PEAK1: variants seen among roughly 807,000 people sequenced by gnomAD.
PEAK1 encodes pseudopodium enriched atypical kinase 1, also known as inactive tyrosine-protein kinase PEAK1.
Under a neutral mutation model 124.7 loss-of-function variants are expected in PEAK1, and 54 were observed. That is an observed-to-expected ratio of 0.43 (90% CI 0.35 to 0.54). The LOEUF is 0.54. Among genes scored for constraint, PEAK1 ranks in the 20% least tolerant of loss-of-function variants. The pLI, the probability that PEAK1 is intolerant of heterozygous loss-of-function variation, is 0.01. For synonymous variants in PEAK1, 719 were observed against 760.0 expected, an observed-to-expected ratio of 0.95 and a Z score of 0.89; for missense variants, 2,046 against 2,134.5, an observed-to-expected ratio of 0.96 and a Z score of 0.82.
intron 1 of PEAK1, among the ~76,000 whole-genome samples, chr15:77,372,570 C>T (rs929175721): frequency 1.6e-4 from 25 of 152,078 alleles, no homozygotes; most frequent in African/African-American, 5.6e-4. Flanking sequence ...TTAGTATAGC[C>T]CTGAACTATA....
intron 1 of PEAK1, chr15:77,371,095 C>A (rs1025461261): frequency 3.2e-6 from 3 of 938,834 alleles, no homozygotes; most frequent in South Asian, 4.9e-5. Flanking sequence ...AATATAAATT[C>A]TGTGACTTTA....
At chr15:77,260,080 T>G (rs2061360965) in intron 5 of PEAK1, among the ~76,000 whole-genome samples, 1 of 152,142 alleles carries the variant, frequency 6.6e-6, no homozygotes, top group Non-Finnish European at 1.5e-5. Context: ...TTCTCAGAGC[T>G]GACATAGGAC....
chr15:77,102,592 A>G (rs1453770266), exon 7 of PEAK1: 2 of 152,202 alleles, frequency 1.3e-5, no homozygotes, highest in East Asian at 1.9e-4. Context: ...ATGAAGATTA[A>G]TATTTTCCAA....
At chr15:77,347,519 T>TA in intron 2 of PEAK1, 1 of 985,360 alleles carries the variant, frequency 1.0e-6, no homozygotes, top group Non-Finnish European at 1.2e-6. Flanking sequence ...TAGGAACCGT[T>TA]AAAGCACAGC....
intron 5 of PEAK1, among the ~76,000 whole-genome samples, chr15:77,252,988 G>A (rs1473834219): frequency 1.3e-5 from 2 of 151,972 alleles, no homozygotes; most frequent in Admixed American, 1.3e-4. Flanking sequence ...TTTAGTTTAG[G>A]CTCAAGTATG....
intron 6 of PEAK1, among the ~76,000 whole-genome samples, chr15:77,184,501 C>T (rs2057438606): frequency 6.6e-6 from 1 of 152,156 alleles, no homozygotes; most frequent in African/African-American, 2.4e-5. Flanking sequence ...CTTTTGTTTA[C>T]ACTAAAACCA....
chr15:77,360,344 C>T (rs965031475), intron 2 of PEAK1, among the ~76,000 whole-genome samples: 1 of 152,074 alleles, frequency 6.6e-6, no homozygotes. Context: ...TTCTTAGATA[C>T]AACACCAAAA....
intron 5 of PEAK1, among the ~76,000 whole-genome samples, chr15:77,259,384 A>C (rs1338804227): frequency 2.0e-5 from 3 of 152,168 alleles, no homozygotes; most frequent in Non-Finnish European, 4.4e-5. Context: ...TGATTCATAA[A>C]ATTTATTAAG....
At chr15:77,315,635 T>TA (rs761981377) in intron 2 of PEAK1, among the ~76,000 whole-genome samples, 2 of 149,744 alleles carry the variant, frequency 1.3e-5, no homozygotes. Context: ...AAAAATAAAA[T>TA]AAAAAATAAA....
chr15:77,165,677 G>T (rs544540587), intron 7 of PEAK1, among the ~76,000 whole-genome samples: 1 of 152,124 alleles, frequency 6.6e-6, no homozygotes, highest in Non-Finnish European at 1.5e-5. Flanking sequence ...CAGGCTGACC[G>T]AGGAAATGGA....
intron 5 of PEAK1, among the ~76,000 whole-genome samples, chr15:77,253,819 T>C (rs548740953): frequency 6.6e-6 from 1 of 152,324 alleles, no homozygotes; most frequent in African/African-American, 2.4e-5. Flanking sequence ...CTCTTTATCT[T>C]TGAACTTTAT....
chr15:77,350,921 A>G (rs2067170421), intron 2 of PEAK1: 1 of 985,304 alleles, frequency 1.0e-6, no homozygotes, highest in Admixed American at 6.1e-5. Flanking sequence ...CCCTCTATTT[A>G]GAGCAATTCA....
chr15:77,263,077 C>T (rs974845660), intron 5 of PEAK1, among the ~76,000 whole-genome samples: 28 of 152,024 alleles, frequency 1.8e-4, no homozygotes, highest in Non-Finnish European at 2.2e-4. Flanking sequence ...CACAACATAC[C>T]AGAATCTCTG....
intron 7 of PEAK1, among the ~76,000 whole-genome samples, chr15:77,166,367 G>A (rs2056098206): frequency 6.6e-6 from 1 of 152,182 alleles, no homozygotes. Flanking sequence ...TGCTTATTAT[G>A]TGCCTGTTTT....
At chr15:77,239,171 G>A (rs1485557132) in intron 6 of PEAK1, among the ~76,000 whole-genome samples, 4 of 152,164 alleles carry the variant, frequency 2.6e-5, no homozygotes, top group African/African-American at 9.7e-5. Context: ...GAGATAAATG[G>A]ACAATATTGT....
At chr15:77,270,749 A>G (rs80303870) in intron 5 of PEAK1, among the ~76,000 whole-genome samples, 1 of 152,162 alleles carries the variant, frequency 6.6e-6, no homozygotes, top group Non-Finnish European at 1.5e-5. Context: ...CACTGAATCT[A>G]TAAATTACCT....
intron 5 of PEAK1, among the ~76,000 whole-genome samples, chr15:77,269,606 T>G (rs1318253911): frequency 6.6e-6 from 1 of 152,080 alleles, no homozygotes; most frequent in African/African-American, 2.4e-5. Flanking sequence ...ACTAGACAGG[T>G]AATCAAGACA....
chr15:77,418,970 A>C (rs1567380207), intron 1 of PEAK1: 12 of 985,186 alleles, frequency 1.2e-5, no homozygotes, highest in Non-Finnish European at 1.4e-5. Flanking sequence ...TAAGTCTCTA[A>C]GTATTTAATT....
intron 1 of PEAK1, among the ~76,000 whole-genome samples, chr15:77,374,735 A>T (rs2068880195): frequency 6.6e-6 from 1 of 152,182 alleles, no homozygotes; most frequent in South Asian, 2.1e-4. Flanking sequence ...TATGATTAAA[A>T]TGTTAAAAAT....
Sources: gnomAD v4.1 joint callset for allele counts (sites outside exome capture counted in the v4.1 genomes callset) on GRCh38, gnomAD v4.1.1 for gene constraint, MANE v1.5 for transcripts, NCBI Gene and HGNC (gene_info 2026-07-23, HGNC 2026-07-21) for gene names.